Variants in PTPRD observed in about 807,000 individuals in gnomAD.
The protein encoded by PTPRD is receptor-type tyrosine-protein phosphatase delta.
PTPRD carries 34 observed loss-of-function variants against 214.5 expected under a neutral mutation model. That is an observed-to-expected ratio of 0.16 (90% confidence interval 0.12 to 0.21). PTPRD has a LOEUF of 0.21. Among genes scored for constraint, PTPRD ranks in the 10% least tolerant of loss-of-function variants. The pLI, the probability that PTPRD is intolerant of heterozygous loss-of-function variation, is 1.00. For synonymous variants in PTPRD, 1,128 were observed against 845.7 expected, an observed-to-expected ratio of 1.33 and a Z score of -5.79; for missense variants, 2,545 against 2,398.7, an observed-to-expected ratio of 1.06 and a Z score of -1.27.
intron 3 of PTPRD, among the ~76,000 whole-genome samples, chr9:10,234,266 T>C (rs1332683623): frequency 3.3e-5 from 5 of 151,934 alleles, no homozygotes; most frequent in East Asian, 3.9e-4. Context: ...CCTTCAATCT[T>C]AAAATAACCA....
intron 5 of PTPRD, among the ~76,000 whole-genome samples, chr9:9,834,465 C>A (rs1368858622): frequency 2.0e-5 from 3 of 152,004 alleles, no homozygotes; most frequent in South Asian, 2.1e-4. Context: ...TGAAGTTTTG[C>A]CCCCAAATTT....
chr9:10,576,145 C>A (rs1390523350), intron 2 of PTPRD, among the ~76,000 whole-genome samples: 1 of 152,120 alleles, frequency 6.6e-6, no homozygotes, highest in East Asian at 1.9e-4. Context: ...AGCTAAAATG[C>A]ATTTTAACAT....
At chr9:10,202,755 A>G (rs1437307281) in intron 3 of PTPRD, among the ~76,000 whole-genome samples, 1 of 147,630 alleles carries the variant, frequency 6.8e-6, no homozygotes, top group African/African-American at 2.5e-5. Flanking sequence ...ATGCAGTTTG[A>G]TCTTTCACAA....
chr9:10,133,381 G>A (rs1036004713), intron 3 of PTPRD, among the ~76,000 whole-genome samples: 1 of 152,144 alleles, frequency 6.6e-6, no homozygotes, highest in African/African-American at 2.4e-5. Context: ...TGTGTCCAAT[G>A]TTTAACTCTG....
At chr9:9,644,741 C>G (rs2096088625) in intron 7 of PTPRD, among the ~76,000 whole-genome samples, 1 of 152,102 alleles carries the variant, frequency 6.6e-6, no homozygotes. Flanking sequence ...CACCAATCCC[C>G]ACATCCTGTA....
At chr9:9,915,109 C>T (rs753265861) in intron 5 of PTPRD, among the ~76,000 whole-genome samples, 1 of 152,132 alleles carries the variant, frequency 6.6e-6, no homozygotes, top group Non-Finnish European at 1.5e-5. Context: ...GAGCAACTTG[C>T]AAATGCCTTT....
chr9:9,851,845 A>G (rs1399216003), intron 5 of PTPRD, among the ~76,000 whole-genome samples: 3 of 152,212 alleles, frequency 2.0e-5, no homozygotes. Context: ...CTTCTTACAA[A>G]TCATTGTCAT....
chr9:9,522,563 C>G (rs182915711), intron 8 of PTPRD, among the ~76,000 whole-genome samples: 2 of 152,018 alleles, frequency 1.3e-5, no homozygotes, highest in Admixed American at 1.3e-4. Context: ...CTTAGAAAAA[C>G]AAAAGAATCT....
At chr9:9,620,378 G>T (rs2095171406) in intron 7 of PTPRD, among the ~76,000 whole-genome samples, 1 of 152,096 alleles carries the variant, frequency 6.6e-6, no homozygotes, top group South Asian at 2.1e-4. Context: ...AAATAAGATA[G>T]TCTGATAACC....
intron 3 of PTPRD, among the ~76,000 whole-genome samples, chr9:10,192,194 T>C (rs980211670): frequency 7.9e-5 from 12 of 152,070 alleles, no homozygotes; most frequent in African/African-American, 2.4e-4. Flanking sequence ...TGTTTTTAAA[T>C]AGGCAGATAC....
At chr9:10,133,699 T>C (rs1050412128) in intron 3 of PTPRD, among the ~76,000 whole-genome samples, 1 of 152,154 alleles carries the variant, frequency 6.6e-6, no homozygotes, top group Admixed American at 6.6e-5. Context: ...CAATAGATAG[T>C]AACAAAGTTA....
chr9:10,128,161 T>G (rs1208614804), intron 3 of PTPRD, among the ~76,000 whole-genome samples: 1 of 152,120 alleles, frequency 6.6e-6, no homozygotes, highest in Admixed American at 6.6e-5. Context: ...ATGAGTCCTT[T>G]GCTTGACTCA....
At chr9:9,940,576 G>A (rs565507846) in intron 4 of PTPRD, among the ~76,000 whole-genome samples, 93 of 152,256 alleles carry the variant, frequency 6.1e-4, no homozygotes, top group Non-Finnish European at 1.1e-3. Flanking sequence ...GTACAACAGA[G>A]ATAATACATT....
At chr9:9,395,748 C>T (rs914446581) in intron 9 of PTPRD, among the ~76,000 whole-genome samples, 1 of 152,016 alleles carries the variant, frequency 6.6e-6, no homozygotes, top group Non-Finnish European at 1.5e-5. Context: ...AAAGCATTCA[C>T]AACGTCAGTA....
intron 11 of PTPRD, among the ~76,000 whole-genome samples, chr9:8,849,171 A>ATTTTTTT (rs746565485): frequency 3.7e-5 from 4 of 108,748 alleles, no homozygotes; most frequent in Admixed American, 1.2e-4. Flanking sequence ...TCAAAAAAAA[A>ATTTTTTT]TTTTTTTTTT....
At chr9:9,389,169 T>C (rs10977713) in intron 9 of PTPRD, among the ~76,000 whole-genome samples, 36,859 of 152,038 alleles carry the variant, frequency 0.24, 4,663 homozygotes, top group Middle Eastern at 0.28. Flanking sequence ...AGGGGTAATA[T>C]ATCTAGCAGC....
intron 5 of PTPRD, among the ~76,000 whole-genome samples, chr9:9,909,840 T>C (rs1412177674): frequency 6.6e-6 from 1 of 151,906 alleles, no homozygotes; most frequent in Non-Finnish European, 1.5e-5. Context: ...TTTTTGCCTA[T>C]AAGTTCAATT....
At chr9:8,920,205 G>C (rs992523715) in intron 11 of PTPRD, among the ~76,000 whole-genome samples, 3 of 151,960 alleles carry the variant, frequency 2.0e-5, no homozygotes, top group Non-Finnish European at 4.4e-5. Flanking sequence ...GCTGGGTGTG[G>C]TGGCAAACAC....
At chr9:10,550,849 C>T (rs59057703) in intron 2 of PTPRD, among the ~76,000 whole-genome samples, 10,007 of 152,244 alleles carry the variant, frequency 0.066, 349 homozygotes, top group South Asian at 0.096. Flanking sequence ...TCCACCTCTA[C>T]CTCTCTTTCT....
Sources: allele counts gnomAD v4.1 joint callset (sites outside exome capture counted in the v4.1 genomes callset), GRCh38; gene constraint gnomAD v4.1.1; transcripts MANE v1.5; gene names NCBI Gene and HGNC (gene_info 2026-07-23, HGNC 2026-07-21).